Variants in CMPK1 observed in about 807,000 individuals in gnomAD.
CMPK1 encodes UMP-CMP kinase.
A neutral mutation model predicts 25.7 loss-of-function variants in CMPK1; 10 were observed. That is an observed-to-expected ratio of 0.39 (90% confidence interval 0.24 to 0.66). The LOEUF is 0.66. Among genes scored for constraint, CMPK1 ranks in the 30% least tolerant of loss-of-function variants. The pLI, the probability that CMPK1 is intolerant of heterozygous loss-of-function variation, is 0.48. For missense variants in CMPK1, 199 were observed against 280.5 expected (o/e 0.71, Z 2.08); for synonymous variants, 106 against 101.5 (o/e 1.04, Z -0.27).
At chr1:47,342,318 G>T (rs1646447244) in intron 1 of CMPK1, among the ~76,000 whole-genome samples, 1 of 151,582 alleles carries the variant, frequency 6.6e-6, no homozygotes, top group Non-Finnish European at 1.5e-5. Flanking sequence ...TTGACCTCAG[G>T]TGATCTGCCC....
chr1:47,340,531 C>A (rs541769833), intron 1 of CMPK1, among the ~76,000 whole-genome samples: 44 of 152,158 alleles, frequency 2.9e-4, no homozygotes, highest in African/African-American at 9.9e-4. Flanking sequence ...TTTCCAAGCT[C>A]CTCATTACAA....
intron 2 of CMPK1, among the ~76,000 whole-genome samples, chr1:47,369,528 C>T (rs1186431059): frequency 6.6e-6 from 1 of 152,094 alleles, no homozygotes; most frequent in African/African-American, 2.4e-5. Flanking sequence ...CTTTTTTCCT[C>T]CCTCTCCTGC....
rs191798481 is a variant in CMPK1, at chr1:47,334,549, A to G, written c.171+433A>G. 2.0e-4 allele frequency among the ~76,000 whole-genome samples: 31 copies of G among 152,176 alleles called. 1 individual carries two copies. The highest frequency in any genetic ancestry group is 4.4e-5 in the Non-Finnish European group (3 of 68,006). ...CCACAGTTGTCTGAAGGAGAGACCT[A>G]TTTTTCTTCTCCGCGCCTTCCCTCT... On this transcript the variant is annotated intron_variant, in intron 1 of 5. Transcript: ENST00000371873.
chr1:47,363,523 A>G lies in CMPK1; in HGVS notation c.172-4946A>G, dbSNP rs545391639. ...TGCAGTGGTGGGCGCCTGTAGTACC[A>G]GCTACTTGGGAGGCTGAGGCAGGAG... is the stretch of plus-strand genomic sequence containing the variant. On this transcript the variant is annotated intron_variant, in intron 1 of 5. Coordinates refer to ENST00000371873, the MANE Select transcript of CMPK1 (RefSeq NM_016308.3). 3.9e-5 allele frequency among the ~76,000 whole-genome samples: 6 copies of G among 152,128 alleles called. No individual in the cohort carries two copies. The South Asian group carries it at 1.2e-3, about 32-fold the overall frequency.
At chr1:47,367,298 C>T (rs1322958258) in intron 1 of CMPK1, among the ~76,000 whole-genome samples, 2 of 152,214 alleles carry the variant, frequency 1.3e-5, no homozygotes, top group African/African-American at 4.8e-5. Context: ...GTTTTCTTTT[C>T]ATTTGCTGAC....
chr1:47,334,379 C>G (rs903004093), intron 1 of CMPK1, among the ~76,000 whole-genome samples: 1 of 152,182 alleles, frequency 6.6e-6, no homozygotes, highest in Admixed American at 6.5e-5. Context: ...TTTTGGGGAC[C>G]AGATTCGTCT....
At chr1:47,346,368 T>C (rs913938972) in intron 1 of CMPK1, among the ~76,000 whole-genome samples, 2 of 152,140 alleles carry the variant, frequency 1.3e-5, no homozygotes, top group Non-Finnish European at 2.9e-5. Flanking sequence ...CCTAATTTCA[T>C]TCTTAAGTAA....
At position 47,362,181 on chromosome 1, in the gene CMPK1, T is replaced by TTC. The variant is rs1385211129; in HGVS notation, c.172-6287_172-6286insCT. Among the ~76,000 whole-genome samples the TTC allele has an allele frequency of 1.3e-3, 195 of 150,014 alleles. 2 individuals carry two copies. The highest frequency in any genetic ancestry group is 4.5e-3 in the African/African-American group (184 of 40,796). On this transcript the variant is annotated intron_variant, in intron 1 of 5. Transcript: ENST00000371873. ...CACAGCACCCGGCCTTTTTTTTTTTTTTTTCGAGACGGAGTTTGGCTCTTG... is the reference window on the plus strand; with the variant it reads ...CACAGCACCCGGCCTTTTTTTTTTTTTCTTTTCGAGACGGAGTTTGGCTCTTG...
chr1:47,339,752 G>T (rs184670341), intron 1 of CMPK1, among the ~76,000 whole-genome samples: 1 of 135,016 alleles, frequency 7.4e-6, no homozygotes, highest in East Asian at 2.3e-4. Flanking sequence ...CTGTCGCCCA[G>T]ACGGGAGTGC....
intron 1 of CMPK1, among the ~76,000 whole-genome samples, chr1:47,343,246 C>A (rs1251094930): frequency 6.6e-6 from 1 of 151,822 alleles, no homozygotes; most frequent in Non-Finnish European, 1.5e-5. Context: ...CTTGGCCTCC[C>A]AAAGTGCTGG....
At chr1:47,345,944 G>A (rs926320840) in intron 1 of CMPK1, among the ~76,000 whole-genome samples, 5 of 151,362 alleles carry the variant, frequency 3.3e-5, no homozygotes. Flanking sequence ...TGGTAGAGAT[G>A]GGGATTCACC....
At position 47,337,907 on chromosome 1, in the gene CMPK1, G is replaced by A. The variant is rs202069020; in HGVS notation, c.171+3791G>A. 1.5e-4 allele frequency among the ~76,000 whole-genome samples: 23 copies of A among 152,156 alleles called. No homozygotes were observed. In the East Asian group the frequency reaches 2.7e-3, roughly 18 times the overall value. On this transcript the variant is annotated intron_variant, in intron 1 of 5. Transcript: ENST00000371873. ...ATTACAGGTGTGAGCCACTGTGCCC[G>A]GCCTGGAATATCTATTGTTAGTGAA...
chr1:47,358,047 C>T (rs1646574772), intron 1 of CMPK1, among the ~76,000 whole-genome samples: 1 of 147,340 alleles, frequency 6.8e-6, no homozygotes, highest in Non-Finnish European at 1.5e-5. Flanking sequence ...CTAGGAGTAA[C>T]CTGTATGAGT....
intron 1 of CMPK1, among the ~76,000 whole-genome samples, chr1:47,354,167 A>T (rs951284171): frequency 3.3e-5 from 5 of 152,064 alleles, no homozygotes; most frequent in African/African-American, 7.2e-5. Flanking sequence ...TACAAAAAAT[A>T]AAAAAATGAA....
intron 2 of CMPK1, among the ~76,000 whole-genome samples, chr1:47,369,860 C>T (rs1646664819): frequency 7.2e-6 from 1 of 138,042 alleles, no homozygotes; most frequent in Admixed American, 7.2e-5. Context: ...GTGCCCGGCC[C>T]CCAATTTTTT....
chr1:47,365,059 C>T (rs1646629825), intron 1 of CMPK1, among the ~76,000 whole-genome samples: 1 of 152,130 alleles, frequency 6.6e-6, no homozygotes, highest in Admixed American at 6.6e-5. Context: ...CTGTACCTGG[C>T]CGTACCCAAT....
chr1:47,341,759 C>T (rs1646443037), intron 1 of CMPK1, among the ~76,000 whole-genome samples: 2 of 151,676 alleles, frequency 1.3e-5, no homozygotes, highest in African/African-American at 4.8e-5. Context: ...ATGTCTCAGC[C>T]TCCCGAGTAG....
At chr1:47,372,655 C>T (rs941329441) in intron 2 of CMPK1, among the ~76,000 whole-genome samples, 1 of 151,990 alleles carries the variant, frequency 6.6e-6, no homozygotes, top group African/African-American at 2.4e-5. Flanking sequence ...ATATACTTAA[C>T]TGTAGAAAAT....
At chr1:47,361,257 T>G (rs1646599429) in intron 1 of CMPK1, among the ~76,000 whole-genome samples, 1 of 151,990 alleles carries the variant, frequency 6.6e-6, no homozygotes, top group Non-Finnish European at 1.5e-5. Context: ...GGCATGGTGG[T>G]GCGCACCTGT....
Sources: gnomAD v4.1 joint callset for allele counts (sites outside exome capture counted in the v4.1 genomes callset) on GRCh38, gnomAD v4.1.1 for gene constraint, MANE v1.5 for transcripts, NCBI Gene and HGNC (gene_info 2026-07-23, HGNC 2026-07-21) for gene names.